The following TEX15 variants were observed in gnomAD, a reference collection of about 807,000 sequenced individuals.
TEX15 encodes the protein testis-expressed protein 15.
Under a neutral mutation model 237.3 loss-of-function variants are expected in TEX15, and 171 were observed. That is an observed-to-expected ratio of 0.72 (90% confidence interval 0.64 to 0.82). The LOEUF (loss-of-function observed/expected upper bound fraction) is 0.82. TEX15 is among the 40% of genes least tolerant of loss of function. TEX15 has a pLI of 0.00. For missense variants in TEX15, 3,750 were observed against 3,646.5 expected, an observed-to-expected ratio of 1.03 and a Z score of -0.73; for synonymous variants, 1,338 against 1,269.8, an observed-to-expected ratio of 1.05 and a Z score of -1.14.
rs955571817 is a variant in TEX15 at position 30,848,488 on chromosome 8, T to C, written c.1679A>G (p.Lys560Arg). 6.2e-7 allele frequency: 1 copy of C among 1,614,172 alleles called. No homozygotes were observed. The highest frequency in any genetic ancestry group is 1.7e-5 in the Admixed American group (1 of 60,024). The change falls in exon 8 of 11, where the codon AAG (lysine) becomes AGG (arginine). Residue 560 changes from lysine to arginine, a missense_variant. Lys to Arg is a conservative substitution (Grantham distance 26). Transcript: ENST00000643185. ...GGACTCCTGTTGGGCTCTCTGAGCC[T>C]TCTCCTCACTGTGGTTTTGGTTCTC... is the stretch of plus-strand genomic sequence containing the variant. ...EVENQNHSEE[K>R]AQRAQQESGN...
At chr8:30,878,096 C>CTTTTTTTTTTT (rs36096573) in intron 3 of TEX15, among the ~76,000 whole-genome samples, 1 of 118,214 alleles carries the variant, frequency 8.5e-6, no homozygotes, top group African/African-American at 3.3e-5. Flanking sequence ...GTAAAGATTG[C>CTTTTTTTTTTT]TTTTTTTTTT....
chr8:30,847,339 T>TC lies in TEX15; in HGVS notation c.2827dup (p.Glu943GlyfsTer5). The TC allele has an allele frequency of 6.2e-7, 1 of 1,613,864 alleles. No homozygotes were observed. The highest frequency in any genetic ancestry group is 1.1e-5 in the South Asian group (1 of 91,078). ...TTGTTTCACGGCACTAATGGTATCT[T>TC]CTTCACTCTCTAATAATGCAGTTGC... On this transcript the variant is annotated frameshift_variant, in exon 8 of 11. Coordinates refer to ENST00000643185, the MANE Select transcript of TEX15 (RefSeq NM_001350162.2). LOFTEE classifies it high-confidence loss of function.
intron 2 of TEX15, chr8:30,888,787 TC>T: frequency 3.9e-6 from 2 of 515,754 alleles, no homozygotes; most frequent in Non-Finnish European, 6.7e-6. Flanking sequence ...TCCCTCTTAA[TC>T]CCCTCCTGTT....
intron 4 of TEX15, among the ~76,000 whole-genome samples, chr8:30,870,745 C>A (rs1808275455): frequency 6.6e-6 from 1 of 151,894 alleles, no homozygotes. Flanking sequence ...CTAATGCCAC[C>A]CAACTCCAGA....
rs1156518706 is a variant in TEX15, at chr8:30,832,532, GA to G, written c.*753del. 1 of 152,184 alleles carries G rather than the reference GA, an allele frequency of 6.6e-6. No individual in the cohort carries two copies. The highest frequency in any genetic ancestry group is 2.4e-5 in the African/African-American group (1 of 41,464). 9.4% of individuals were successfully genotyped at this position (152,184 alleles called of 1,614,324 possible). On this transcript the variant is annotated 3_prime_UTR_variant, in exon 11 of 11. Transcript: ENST00000643185. ...AAAGAAAAGTCTATGACAAGAGCAT[GA>G]AAAAACTATGTTTGTGCCACATTGT...
intron 1 of TEX15, among the ~76,000 whole-genome samples, chr8:30,905,315 G>T (rs1028776383): frequency 6.6e-6 from 1 of 151,172 alleles, no homozygotes; most frequent in African/African-American, 2.4e-5. Flanking sequence ...TGAGTCCCCA[G>T]GAGAAATAAA....
chr8:30,854,440 A>G (rs1807860270), intron 7 of TEX15, among the ~76,000 whole-genome samples: 1 of 152,118 alleles, frequency 6.6e-6, no homozygotes, highest in Admixed American at 6.5e-5. Flanking sequence ...AACGTGATGC[A>G]AGAAGAAACA....
intron 2 of TEX15, among the ~76,000 whole-genome samples, chr8:30,893,654 GCTA>G (rs1808838735): frequency 6.6e-6 from 1 of 152,302 alleles, no homozygotes; most frequent in East Asian, 1.9e-4. Context: ...TAGAATGACT[GCTA>G]CTTTCTCTCA....
At chr8:30,907,517 A>G (rs970926232) in intron 1 of TEX15, among the ~76,000 whole-genome samples, 3 of 146,420 alleles carry the variant, frequency 2.0e-5, no homozygotes, top group South Asian at 2.1e-4. Flanking sequence ...TATATACAAA[A>G]TGTATATACA....
At position 30,837,924 on chromosome 8, in the gene TEX15, G is replaced by A; in HGVS notation, c.8360C>T (p.Pro2787Leu). The change falls in exon 10 of 11, where the codon CCA becomes CTA. Residue 2787 changes from proline to leucine, a missense_variant. Pro to Leu is a moderately conservative substitution (Grantham distance 98). Coordinates refer to ENST00000643185, the MANE Select transcript of TEX15 (RefSeq NM_001350162.2). ...CGACTTTGATGCGCAAGTGTCTTTT[G>A]GGTTCTCTAAGGGTAAAAGTGAGCC... ...LPGSLLPLENPKDTCASKSES... is the reference protein window; with the variant it reads ...LPGSLLPLENLKDTCASKSES... 6.2e-7 allele frequency: 1 copy of A among 1,614,068 alleles called. No individual in the cohort carries two copies. Among genetic ancestry groups the A allele is most frequent in the Non-Finnish European group, 8.5e-7 (1 of 1,180,004 alleles).
rs1283366625 is a variant in TEX15, at chr8:30,867,411, A to G, written c.394T>C (p.Tyr132His). 2.0e-6 allele frequency: 3 copies of G among 1,533,964 alleles called. No individual in the cohort carries two copies. The Admixed American group carries it at 5.9e-5, about 30-fold the overall frequency. Residue 132 changes from tyrosine to histidine, a missense_variant, in exon 5 of 11, where the codon TAT becomes CAT. By Grantham distance (83) the Tyr-to-His change is moderately conservative. Transcript: ENST00000643185. ...GCTCTGGTACTTATTCCATTCTGATATATCTGGGCTACATCACTCTGGGGA... is the reference window on the plus strand; with the variant it reads ...GCTCTGGTACTTATTCCATTCTGATGTATCTGGGCTACATCACTCTGGGGA... ...ALPQSDVAQI[Y>H]QNGISTRAST... is the part of the protein sequence containing the mutation.
Position 30,842,302 on chromosome 8 carries a change from A to G in TEX15, c.7865T>C (p.Met2622Thr). 4 of 1,613,808 alleles carry G rather than the reference A, an allele frequency of 2.5e-6. No homozygotes were observed. Among genetic ancestry groups the G allele is most frequent in the Non-Finnish European group, 3.4e-6 (4 of 1,179,884 alleles). The change falls in exon 8 of 11, where the codon ATG becomes ACG. Residue 2622 changes from methionine to threonine, a missense_variant. Met to Thr is a moderately conservative substitution (Grantham distance 81, BLOSUM62 -1). Transcript: ENST00000643185. The part of the protein sequence containing the change: ...IRKVMKTIEH[M>T]KMICTKNAEL... ...AGCATTTTTAGTACATATCATCTTC[A>G]TATGTTCAATCGTTTTCATGACTTT...
At position 30,860,062 on chromosome 8, in the gene TEX15, AAAAAAAAAAGCC is replaced by A; in HGVS notation, c.541-17_541-6del. 6.8e-7 allele frequency: 1 copy of A among 1,461,920 alleles called. No individual in the cohort carries two copies. The highest frequency in any genetic ancestry group is 9.0e-7 in the Non-Finnish European group (1 of 1,115,742). 90.6% of individuals were successfully genotyped at this position (1,461,920 alleles called of 1,614,324 possible). On this transcript the variant is annotated splice_region_variant and splice_polypyrimidine_tract_variant and intron_variant, in intron 5 of 10. Transcript: ENST00000643185. ...CTTCACTTTTCCAAAGAGAACCTAA[AAAAAAAAAAGCC>A]AAAAAAAAAGTACGTAAAAATATAC...
At position 30,846,307 on chromosome 8, in the gene TEX15, T is replaced by C. The variant is rs752769497; in HGVS notation, c.3860A>G (p.Asn1287Ser). Residue 1287 changes from asparagine to serine, a missense_variant, in exon 8 of 11, where the codon AAT becomes AGT. Asn to Ser is a conservative substitution (Grantham distance 46). Coordinates refer to ENST00000643185, the MANE Select transcript of TEX15 (RefSeq NM_001350162.2). Reference protein sequence around the residue: ...CFFTKSKTDYNDTKNKKEVES... With the variant: ...CFFTKSKTDYSDTKNKKEVES... ...TACCTCCTTTTTATTTTTGGTATCA[T>C]TATAGTCAGTTTTTGATTTTGTAAA... The C allele has an allele frequency of 4.3e-6, 7 of 1,613,012 alleles. No individual in the cohort carries two copies. In the Admixed American group the frequency reaches 5.0e-5, roughly 12 times the overall value.
chr8:30,842,919 A>T lies in TEX15; in HGVS notation c.7248T>A (p.Ile2416=). 6.2e-7 allele frequency: 1 copy of T among 1,609,358 alleles called. No homozygotes were observed. Among genetic ancestry groups the T allele is most frequent in the African/African-American group, 1.3e-5 (1 of 74,894 alleles). ...CTAAAACATTTTCTTCTGTGATAAAAATATTATCCATGTTATTATCTTGTA... is the reference window on the plus strand; with the variant it reads ...CTAAAACATTTTCTTCTGTGATAAATATATTATCCATGTTATTATCTTGTA... ...QMLQDNNMDN[I]FITEENVLDV... is the part of the protein sequence containing the mutation. The change falls in exon 8 of 11, where the codon ATT becomes ATA. Residue 2416 remains isoleucine (I), a synonymous_variant. Coordinates refer to ENST00000643185, the MANE Select transcript of TEX15 (RefSeq NM_001350162.2).
At chr8:30,879,067 G>A (rs975693666) in intron 3 of TEX15, among the ~76,000 whole-genome samples, 11 of 151,662 alleles carry the variant, frequency 7.3e-5, no homozygotes, top group African/African-American at 1.9e-4. Flanking sequence ...TTTGCCATCA[G>A]TGTATTCTCT....
At chr8:30,881,203 T>G (rs1366547541) in intron 3 of TEX15, among the ~76,000 whole-genome samples, 2 of 152,168 alleles carry the variant, frequency 1.3e-5, no homozygotes, top group African/African-American at 4.8e-5. Flanking sequence ...GTCTGTGGGG[T>G]GTTTTCCATA....
rs756275671 is a variant in TEX15 at position 30,845,262 on chromosome 8, A to G, written c.4905T>C (p.Cys1635=). The part of the protein sequence containing the change: ...ENINSSTGND[C]DATCIGHTKA... ...TTGTGTGACCTATGCAAGTTGCATC[A>G]CAATCGTTGCCTGTACTAGAATTTA... Residue 1635 remains cysteine, a synonymous_variant, in exon 8 of 11, where the codon TGT becomes TGC. Coordinates refer to ENST00000643185, the MANE Select transcript of TEX15 (RefSeq NM_001350162.2). 12 of 1,613,410 alleles carry G rather than the reference A, an allele frequency of 7.4e-6. No individual in the cohort carries two copies. The highest frequency in any genetic ancestry group is 4.0e-5 in the African/African-American group (3 of 74,920).
intron 3 of TEX15, among the ~76,000 whole-genome samples, chr8:30,886,019 G>A (rs1808639223): frequency 6.6e-6 from 1 of 152,088 alleles, no homozygotes; most frequent in Non-Finnish European, 1.5e-5. Flanking sequence ...TGCTTTAAAA[G>A]TTTCTCAGTT....
Sources: allele counts gnomAD v4.1 joint callset (sites outside exome capture counted in the v4.1 genomes callset), GRCh38; gene constraint gnomAD v4.1.1; transcripts MANE v1.5; gene names NCBI Gene and HGNC (gene_info 2026-07-23, HGNC 2026-07-21).